The following PDZD2 variants were observed in gnomAD, a reference collection of about 807,000 sequenced individuals.
PDZD2 encodes PDZ domain containing 2, also known as PDZ domain-containing protein 2.
A neutral mutation model predicts 220.7 loss-of-function variants in PDZD2; 90 were observed. The observed-to-expected ratio is 0.41, with a 90% confidence interval of 0.34 to 0.49. The LOEUF (loss-of-function observed/expected upper bound fraction) is 0.49. PDZD2 is among the 20% of genes least tolerant of loss of function. The pLI, the probability that PDZD2 is intolerant of heterozygous loss-of-function variation, is 0.28. For synonymous variants in PDZD2, 1,375 were observed against 1,450.5 expected (o/e 0.95, Z 1.18); for missense variants, 3,174 against 3,608.5 (o/e 0.88, Z 3.08).
chr5:31,782,088 G>C (rs1753091802), intron 1 of PDZD2, among the ~76,000 whole-genome samples: 1 of 152,212 alleles, frequency 6.6e-6, no homozygotes. Flanking sequence ...GGCCTGTTGA[G>C]GCAGGGTAGG....
intron 2 of PDZD2, among the ~76,000 whole-genome samples, chr5:31,899,728 T>C (rs978377216): frequency 4.6e-5 from 7 of 152,190 alleles, no homozygotes; most frequent in African/African-American, 1.7e-4. Context: ...TTTTGGGAGC[T>C]GATTAGGTCA....
intron 2 of PDZD2, among the ~76,000 whole-genome samples, chr5:31,954,014 G>A (rs537352297): frequency 6.6e-6 from 1 of 152,192 alleles, no homozygotes; most frequent in African/African-American, 2.4e-5. Context: ...TGCTCTGGAG[G>A]CGGAGACAGA....
At chr5:31,671,660 G>A (rs1338066519) in intron 1 of PDZD2, among the ~76,000 whole-genome samples, 1 of 152,188 alleles carries the variant, frequency 6.6e-6, no homozygotes, top group Non-Finnish European at 1.5e-5. Flanking sequence ...GCCTGGCTGA[G>A]CCTGAGTTTC....
Position 31,884,754 on chromosome 5 carries a change from A to G in PDZD2, c.476+85030A>G, listed in dbSNP as rs542937320. ...AAGTGCCCGCCACCATTCCTGGCTA[A>G]TTTTTGTGTTTTTAGTACAGATGGG... is the stretch of plus-strand genomic sequence containing the variant. On this transcript the variant is annotated intron_variant, in intron 2 of 24. Transcript: ENST00000438447. Among the ~76,000 whole-genome samples the G allele has an allele frequency of 2.2e-3, 327 of 152,086 alleles. 2 individuals are homozygous for G. The highest frequency in any genetic ancestry group is 7.7e-3 in the African/African-American group (318 of 41,484).
Position 32,077,477 on chromosome 5 carries a change from C to A in PDZD2, c.3553C>A (p.Leu1185Met). The A allele has an allele frequency of 6.2e-7, 1 of 1,613,910 alleles. No homozygotes were observed. Among genetic ancestry groups the A allele is most frequent in the South Asian group, 1.1e-5 (1 of 91,076 alleles). Residue 1185 changes from leucine to methionine, a missense_variant, in exon 19 of 25, where the codon CTG becomes ATG. By Grantham distance (15) the Leu-to-Met change is conservative. Transcript: ENST00000438447. Reference protein sequence around the residue: ...GAVEKESLGKLTTGDACVSTS... With the variant: ...GAVEKESLGKMTTGDACVSTS... ...ATTGTGCCAGGAATCTCTGGGAAAG[C>A]TGACCACTGGAGATGCTTGTGTCTC...
At position 31,793,761 on chromosome 5, in the gene PDZD2, C is replaced by T. The variant is rs560821162; in HGVS notation, c.-360-5128C>T. ...GGCGGAGGTTGCAGTGAGCCCAGAT[C>T]GCGCCATTGCACTCCAGCATGGGCA... On this transcript the variant is annotated intron_variant, in intron 1 of 24. Transcript: ENST00000438447. 2.0e-5 allele frequency among the ~76,000 whole-genome samples: 3 copies of T among 152,278 alleles called. No homozygotes were observed. In the East Asian group the frequency reaches 5.8e-4, roughly 29 times the overall value.
intron 1 of PDZD2, among the ~76,000 whole-genome samples, chr5:31,674,516 A>G (rs1225578213): frequency 6.6e-6 from 1 of 152,224 alleles, no homozygotes; most frequent in Non-Finnish European, 1.5e-5. Context: ...TGGCCTGTGA[A>G]AGCCAGATGT....
chr5:32,102,675 A>C (rs1029079979), intron 24 of PDZD2, among the ~76,000 whole-genome samples: 2 of 152,174 alleles, frequency 1.3e-5, no homozygotes, highest in Non-Finnish European at 2.9e-5. Context: ...ACAGGGCAAC[A>C]TCCATTGCCA....
At chr5:31,792,617 C>T (rs2150222232) in intron 1 of PDZD2, among the ~76,000 whole-genome samples, 1 of 151,978 alleles carries the variant, frequency 6.6e-6, no homozygotes, top group Middle Eastern at 3.4e-3. Flanking sequence ...GGGGTTTCAC[C>T]GTGTTGCCCA....
At chr5:31,972,368 T>G (rs1422313484) in intron 2 of PDZD2, among the ~76,000 whole-genome samples, 3 of 152,114 alleles carry the variant, frequency 2.0e-5, no homozygotes, top group Non-Finnish European at 4.4e-5. Flanking sequence ...CCCGCCTCAG[T>G]CTCCCCAAGT....
chr5:31,790,428 C>T (rs1403553339), intron 1 of PDZD2, among the ~76,000 whole-genome samples: 1 of 151,998 alleles, frequency 6.6e-6, no homozygotes, highest in Non-Finnish European at 1.5e-5. Flanking sequence ...CACTGTCCAC[C>T]ATGGCCACTT....
At chr5:31,683,962 C>T (rs1251263018) in intron 1 of PDZD2, among the ~76,000 whole-genome samples, 1 of 148,390 alleles carries the variant, frequency 6.7e-6, no homozygotes, top group Non-Finnish European at 1.5e-5. Context: ...GCCACATAGA[C>T]TCACCAGTAT....
intron 6 of PDZD2, among the ~76,000 whole-genome samples, chr5:32,031,895 A>G (rs560722280): frequency 1.3e-5 from 2 of 152,374 alleles, no homozygotes; most frequent in South Asian, 4.1e-4. Flanking sequence ...TTGGATATCA[A>G]TGATCAATAT....
chr5:32,090,773 T>C lies in PDZD2; in HGVS notation c.7325T>C (p.Leu2442Pro), dbSNP rs774783107. 2.2e-5 allele frequency: 35 copies of C among 1,613,982 alleles called. No homozygotes were observed. Among genetic ancestry groups the C allele is most frequent in the Non-Finnish European group, 2.8e-5 (33 of 1,180,034 alleles). ...AGTAGCAAGGGCTCTGATTCGGAAC[T>C]AAAGAAATCACTTGGTCCTTTGGGA... ...ETSSKGSDSE[L>P]KKSLGPLGIP... Residue 2442 changes from leucine (L) to proline (P), a missense_variant, in exon 20 of 25, where the codon CTA (leucine) becomes CCA (proline). By Grantham distance (98) the Leu-to-Pro change is moderately conservative. Around this residue, in one of 4 missense-constraint regions of PDZD2, gnomAD observed 631 missense variants for 789.9 expected, o/e 0.80. Coordinates refer to ENST00000438447, the MANE Select transcript of PDZD2 (RefSeq NM_178140.4). The surrounding 1 kb of genome is among the most constrained non-coding windows in gnomAD (Gnocchi z 4.3).
chr5:31,980,140 C>T (rs746581722), intron 2 of PDZD2, among the ~76,000 whole-genome samples: 2 of 152,104 alleles, frequency 1.3e-5, no homozygotes, highest in Non-Finnish European at 2.9e-5. Flanking sequence ...CAACCGTCAC[C>T]ACTAATTCCA....
rs560493980 is a variant in PDZD2, at chr5:31,846,275, A to G, written c.476+46551A>G. ...CAGCCTCCCGAGTAGCTGGGATTAC[A>G]GGCGTGCACCACTGCACCCAGCTAA... On this transcript the variant is annotated intron_variant, in intron 2 of 24. Coordinates refer to ENST00000438447, the MANE Select transcript of PDZD2 (RefSeq NM_178140.4). 2.0e-5 allele frequency among the ~76,000 whole-genome samples: 3 copies of G among 152,332 alleles called. No homozygotes were observed. In the South Asian group the frequency reaches 6.2e-4, roughly 32 times the overall value.
chr5:31,846,132 G>C (rs1029788153), intron 2 of PDZD2, among the ~76,000 whole-genome samples: 1 of 152,118 alleles, frequency 6.6e-6, no homozygotes, highest in African/African-American at 2.4e-5. Context: ...TGTTTGTTTG[G>C]TTGGTTGGTT....
chr5:32,042,540 T>C (rs946166289), intron 7 of PDZD2, among the ~76,000 whole-genome samples: 2 of 152,102 alleles, frequency 1.3e-5, no homozygotes, highest in African/African-American at 4.8e-5. Flanking sequence ...GCCACTGCTT[T>C]CCAGCTGGGC....
rs1179184401 is a variant in PDZD2, at chr5:32,110,332, G to GTCA, written c.*2201_*2203dup. ...GGCTTACCACATACACTATGCTAAA[G>GTCA]TCATCAGCCACTGCTACTACATCTT... On this transcript the variant is annotated 3_prime_UTR_variant, in exon 25 of 25. Coordinates refer to ENST00000438447, the MANE Select transcript of PDZD2 (RefSeq NM_178140.4). 6.6e-6 allele frequency: 1 copy of GTCA among 152,624 alleles called. No homozygotes were observed. The highest frequency in any genetic ancestry group is 2.4e-5 in the African/African-American group (1 of 41,448). The allele number at this position is 152,624 out of a possible 1,614,324, so 9.5% of individuals were successfully genotyped here. A position where few individuals can be genotyped will look rare whatever the true frequency, so the allele number is the denominator to read the frequency against.
Sources: gnomAD v4.1 joint callset for allele counts (sites outside exome capture counted in the v4.1 genomes callset) on GRCh38, gnomAD v4.1.1 for gene constraint, gnomAD v4.1.1 regional missense constraint, Gnocchi (gnomAD v3.1) non-coding constraint, MANE v1.5 for transcripts, NCBI Gene and HGNC (gene_info 2026-07-23, HGNC 2026-07-21) for gene names.